Variants in APBA2 observed in about 807,000 individuals in gnomAD.
The protein encoded by APBA2 is amyloid beta precursor protein binding family A member 2, also known as amyloid-beta A4 precursor protein-binding family A member 2.
Under a neutral mutation model 75.0 loss-of-function variants are expected in APBA2, and 30 were observed. The ratio of observed to expected loss-of-function variants is 0.40; its 90% CI spans 0.30 to 0.54. The LOEUF (loss-of-function observed/expected upper bound fraction) is 0.54, where lower values mean the gene tolerates loss of function less well. Among genes scored for constraint, APBA2 ranks in the 20% least tolerant of loss-of-function variants. The pLI is 0.49. For missense variants in APBA2, 801 were observed against 1,016.1 expected, an observed-to-expected ratio of 0.79 and a Z score of 2.88; for synonymous variants, 444 against 409.6, an observed-to-expected ratio of 1.08 and a Z score of -1.01.
intron 2 of APBA2, among the ~76,000 whole-genome samples, chr15:28,952,860 G>C (rs1430145274): frequency 1.3e-5 from 2 of 152,190 alleles, no homozygotes; most frequent in African/African-American, 4.8e-5. Context: ...TGTATAGATA[G>C]AGAAACTGAT....
intron 6 of APBA2, among the ~76,000 whole-genome samples, chr15:29,089,130 TGTGG>T (rs2043431804): frequency 2.0e-5 from 3 of 152,244 alleles, no homozygotes; most frequent in African/African-American, 7.2e-5. Context: ...GTTCTGTGGC[TGTGG>T]GACTGATGTC....
At chr15:28,933,718 G>C (rs978621910) in intron 2 of APBA2, among the ~76,000 whole-genome samples, 4 of 152,236 alleles carry the variant, frequency 2.6e-5, no homozygotes, top group Non-Finnish European at 5.9e-5. Flanking sequence ...CCGACAGGTT[G>C]CGTGCTTGGC....
intron 1 of APBA2, among the ~76,000 whole-genome samples, chr15:28,887,660 G>T (rs1335078637): frequency 3.3e-5 from 5 of 152,172 alleles, no homozygotes; most frequent in African/African-American, 1.2e-4. Flanking sequence ...CTGAGCTTAG[G>T]ATCTGCCAGG....
rs572257095 is a variant in APBA2, at chr15:28,904,225, A to G, written c.-204-17415A>G. Among the ~76,000 whole-genome samples the G allele has an allele frequency of 7.9e-5, 12 of 152,276 alleles. No individual in the cohort carries two copies. In the South Asian group the frequency reaches 1.5e-3, roughly 18 times the overall value. On this transcript the variant is annotated intron_variant, in intron 1 of 14. Coordinates refer to ENST00000683413, the MANE Select transcript of APBA2 (RefSeq NM_001353788.2). Reference sequence around the variant, plus strand: ...CCGGGGGCCCTCCTGTTGTTTGCCCACGATTCCTCCCTGTTCCTGGGCACC... The same window carrying G: ...CCGGGGGCCCTCCTGTTGTTTGCCCGCGATTCCTCCCTGTTCCTGGGCACC...
intron 3 of APBA2, among the ~76,000 whole-genome samples, chr15:29,053,407 G>T (rs1263666075): frequency 1.3e-5 from 2 of 152,160 alleles, no homozygotes; most frequent in African/African-American, 4.8e-5. Context: ...AGGGGTCATG[G>T]ATTTAGATTG....
At chr15:28,892,293 T>G (rs1359203228) in intron 1 of APBA2, among the ~76,000 whole-genome samples, 1 of 152,218 alleles carries the variant, frequency 6.6e-6, no homozygotes, top group African/African-American at 2.4e-5. Context: ...GCCAAGATGG[T>G]CTCGACCTCC....
At chr15:29,081,266 G>A (rs1382830369) in intron 6 of APBA2, among the ~76,000 whole-genome samples, 1 of 152,188 alleles carries the variant, frequency 6.6e-6, no homozygotes, top group African/African-American at 2.4e-5. Flanking sequence ...GTATTTGGGT[G>A]GGGGATGGAC....
At chr15:28,921,391 G>A (rs76126639) in intron 1 of APBA2, among the ~76,000 whole-genome samples, 5,284 of 152,270 alleles carry the variant, frequency 0.035, 322 homozygotes, top group African/African-American at 0.12. Context: ...AAATAAACAC[G>A]AAGGTTCACT....
intron 2 of APBA2, among the ~76,000 whole-genome samples, chr15:28,980,487 C>A (rs1264200633): frequency 6.6e-6 from 1 of 152,124 alleles, no homozygotes; most frequent in Non-Finnish European, 1.5e-5. Flanking sequence ...TTACAATCGC[C>A]ACACACAAAA....
chr15:29,045,438 A>T (rs1348628037), intron 3 of APBA2, among the ~76,000 whole-genome samples: 1 of 151,684 alleles, frequency 6.6e-6, no homozygotes, highest in Non-Finnish European at 1.5e-5. Flanking sequence ...CTCCACCCTC[A>T]TGACCTCATC....
chr15:29,059,776 A>T (rs2042053414), intron 4 of APBA2, among the ~76,000 whole-genome samples: 1 of 152,180 alleles, frequency 6.6e-6, no homozygotes, highest in South Asian at 2.1e-4. Flanking sequence ...AGCTTTACAG[A>T]ACATAACTAT....
At chr15:28,901,231 C>T (rs532210626) in intron 1 of APBA2, among the ~76,000 whole-genome samples, 14 of 152,308 alleles carry the variant, frequency 9.2e-5, no homozygotes, top group Admixed American at 2.6e-4. Context: ...CAGCCATCAC[C>T]GTGGCCTGAG....
chr15:28,957,929 A>C (rs1352939667), intron 2 of APBA2, among the ~76,000 whole-genome samples: 2 of 152,196 alleles, frequency 1.3e-5, no homozygotes, highest in Non-Finnish European at 2.9e-5. Flanking sequence ...CAAGCCCACC[A>C]CATTTGGCCT....
At chr15:29,057,031 A>T (rs1482416885) in intron 4 of APBA2, among the ~76,000 whole-genome samples, 1 of 152,090 alleles carries the variant, frequency 6.6e-6, no homozygotes, top group African/African-American at 2.4e-5. Context: ...AGGAGCCAAC[A>T]AAGGCCTGGC....
In APBA2 at chr15:29,113,869, T is replaced by G; in HGVS notation, c.2038-7T>G. 1 of 1,610,090 alleles carries G rather than the reference T, an allele frequency of 6.2e-7. No individual in the cohort carries two copies. Among genetic ancestry groups the G allele is most frequent in the Non-Finnish European group, 8.5e-7 (1 of 1,179,684 alleles). On this transcript the variant is annotated splice_region_variant and splice_polypyrimidine_tract_variant and intron_variant, in intron 13 of 14. Coordinates refer to ENST00000683413, the MANE Select transcript of APBA2 (RefSeq NM_001353788.2). ...ACACGTGTGCTGACCTGGCCATGTC[T>G]GCTTAGATCTGCAGCCTCATGAGAG...
intron 2 of APBA2, among the ~76,000 whole-genome samples, chr15:28,993,479 T>G (rs2038345142): frequency 6.6e-6 from 1 of 152,170 alleles, no homozygotes; most frequent in Non-Finnish European, 1.5e-5. Flanking sequence ...AGAATGCAAA[T>G]GAGGGTGGTG....
chr15:28,952,445 T>C (rs1048118701), intron 2 of APBA2, among the ~76,000 whole-genome samples: 8 of 151,852 alleles, frequency 5.3e-5, no homozygotes, highest in Non-Finnish European at 1.0e-4. Context: ...GGCAAGAGGA[T>C]CACTTGAGCC....
rs567615880 is a variant in APBA2, at chr15:28,942,450, C to T, written c.-95+20701C>T. Among the ~76,000 whole-genome samples, 6 of 151,200 alleles carry T rather than the reference C, an allele frequency of 4.0e-5. No individual in the cohort carries two copies. In the East Asian group the frequency reaches 1.2e-3, roughly 29 times the overall value. On this transcript the variant is annotated intron_variant, in intron 2 of 14. Coordinates refer to ENST00000683413, the MANE Select transcript of APBA2 (RefSeq NM_001353788.2). ...CTGTGTTGGGAATAGTTTGATGATTCCATGGTCATGCCTTTTGGCCTTTTC... is the reference window on the plus strand; with the variant it reads ...CTGTGTTGGGAATAGTTTGATGATTTCATGGTCATGCCTTTTGGCCTTTTC...
chr15:28,983,749 C>T (rs2037750609), intron 2 of APBA2, among the ~76,000 whole-genome samples: 1 of 152,206 alleles, frequency 6.6e-6, no homozygotes, highest in Non-Finnish European at 1.5e-5. Context: ...GGGTGGAGTA[C>T]GCTCCTTAGT....
Sources: gnomAD v4.1 joint callset for allele counts (sites outside exome capture counted in the v4.1 genomes callset) on GRCh38, gnomAD v4.1.1 for gene constraint, MANE v1.5 for transcripts, NCBI Gene and HGNC (gene_info 2026-07-23, HGNC 2026-07-21) for gene names.